The following RIPOR2 variants were observed in gnomAD, a reference collection of about 807,000 sequenced individuals.
RIPOR2 encodes the protein RHO family interacting cell polarization regulator 2, also known as rho family-interacting cell polarization regulator 2.
RIPOR2 carries 39 observed loss-of-function variants against 114.5 expected under a neutral mutation model. That is an observed-to-expected ratio of 0.34 (90% CI 0.26 to 0.44). RIPOR2 has a LOEUF of 0.44. Among genes scored for constraint, RIPOR2 ranks in the 20% least tolerant of loss-of-function variants. The pLI is 1.00. For synonymous variants in RIPOR2, 445 were observed against 484.4 expected, an observed-to-expected ratio of 0.92 and a Z score of 1.07; for missense variants, 1,007 against 1,255.1, an observed-to-expected ratio of 0.80 and a Z score of 2.99.
intron 1 of RIPOR2, among the ~76,000 whole-genome samples, chr6:24,920,901 G>C (rs1408177381): frequency 6.6e-6 from 1 of 152,102 alleles, no homozygotes; most frequent in East Asian, 1.9e-4. Context: ...CCAGTATTCA[G>C]CCAGTATCAG....
intron 1 of RIPOR2, among the ~76,000 whole-genome samples, chr6:25,024,762 C>G (rs1197898331): frequency 6.6e-6 from 1 of 152,184 alleles, no homozygotes; most frequent in Non-Finnish European, 1.5e-5. Flanking sequence ...CCTACTCTGT[C>G]CTTGGAGCTG....
intron 1 of RIPOR2, among the ~76,000 whole-genome samples, chr6:24,930,000 A>AG (rs751114884): frequency 5.9e-5 from 9 of 152,216 alleles, no homozygotes; most frequent in Non-Finnish European, 1.3e-4. Flanking sequence ...CCTTGAGCCC[A>AG]GGAAGTTGAG....
At chr6:24,923,607 G>C (rs1770656019) in intron 1 of RIPOR2, among the ~76,000 whole-genome samples, 1 of 152,098 alleles carries the variant, frequency 6.6e-6, no homozygotes, top group African/African-American at 2.4e-5. Context: ...CATTTTGGGA[G>C]GCTGAGGTGG....
At chr6:24,894,316 A>G (rs1767641268) in intron 1 of RIPOR2, among the ~76,000 whole-genome samples, 1 of 152,206 alleles carries the variant, frequency 6.6e-6, no homozygotes, top group African/African-American at 2.4e-5. Context: ...TTTTACAGGA[A>G]TAAGAAGAGG....
In RIPOR2 at chr6:24,925,576, C is replaced by G. The variant is rs189838570; in HGVS notation, c.61+10262G>C. ...AATTAGCTGGGCGTGGTGGCACATG[C>G]CTGTAATCCCAACTACTCAGGAGGC... On this transcript the variant is annotated intron_variant, in intron 1 of 21. Coordinates refer to ENST00000643898, the MANE Select transcript of RIPOR2 (RefSeq NM_001286445.3). Among the ~76,000 whole-genome samples, 232 of 152,242 alleles carry G rather than the reference C, an allele frequency of 1.5e-3. 1 individual carries two copies. The highest frequency in any genetic ancestry group is 5.2e-3 in the African/African-American group (216 of 41,540).
chr6:24,834,971 C>T (rs1056067647), intron 15 of RIPOR2, among the ~76,000 whole-genome samples: 2 of 152,156 alleles, frequency 1.3e-5, no homozygotes, highest in Non-Finnish European at 2.9e-5. Context: ...TCCACATACA[C>T]CCAAGCAAGC....
At chr6:24,874,706 A>T (rs867483178) in intron 2 of RIPOR2, among the ~76,000 whole-genome samples, 2 of 152,240 alleles carry the variant, frequency 1.3e-5, no homozygotes, top group South Asian at 2.1e-4. Flanking sequence ...AGATACATGC[A>T]CTATGCAATT....
intron 1 of RIPOR2, among the ~76,000 whole-genome samples, chr6:24,981,931 C>T (rs562781048): frequency 6.6e-6 from 1 of 152,362 alleles, no homozygotes; most frequent in Admixed American, 6.5e-5. Flanking sequence ...AGGAAGGGGG[C>T]TCACCTTGTC....
At chr6:25,006,132 C>A (rs1775554402) in intron 1 of RIPOR2, among the ~76,000 whole-genome samples, 1 of 152,170 alleles carries the variant, frequency 6.6e-6, no homozygotes. Context: ...AATCCCTCCA[C>A]TCAGAAATAA....
intron 13 of RIPOR2, among the ~76,000 whole-genome samples, chr6:24,842,625 A>G (rs1761833009): frequency 6.6e-6 from 1 of 152,212 alleles, no homozygotes; most frequent in Admixed American, 6.5e-5. Context: ...GGGAATTTCA[A>G]CATTCTCTAG....
At chr6:24,981,177 T>A (rs1014071701) in intron 1 of RIPOR2, among the ~76,000 whole-genome samples, 3 of 152,230 alleles carry the variant, frequency 2.0e-5, no homozygotes, top group Non-Finnish European at 2.9e-5. Context: ...GCTTTCTATG[T>A]CCTGTGAGCC....
intron 1 of RIPOR2, among the ~76,000 whole-genome samples, chr6:24,974,404 T>C (rs975586651): frequency 1.2e-4 from 16 of 134,114 alleles, no homozygotes; most frequent in African/African-American, 2.9e-4. Flanking sequence ...AAAAACCCAA[T>C]TGAAATTATA....
intron 19 of RIPOR2, among the ~76,000 whole-genome samples, chr6:24,823,213 G>A (rs1759855954): frequency 6.6e-6 from 1 of 152,154 alleles, no homozygotes; most frequent in Non-Finnish European, 1.5e-5. Context: ...TTGCTTTAGT[G>A]CTTTGCATCT....
chr6:24,960,674 G>A (rs1044246248), intron 1 of RIPOR2, among the ~76,000 whole-genome samples: 5 of 152,072 alleles, frequency 3.3e-5, no homozygotes, highest in African/African-American at 1.2e-4. Context: ...CTACAGGCAT[G>A]CACCTGTAGT....
intron 1 of RIPOR2, among the ~76,000 whole-genome samples, chr6:24,912,986 TA>T (rs1769787490): frequency 6.6e-6 from 1 of 152,190 alleles, no homozygotes; most frequent in African/African-American, 2.4e-5. Flanking sequence ...GATGAACAAG[TA>T]ACTTCCTGAT....
At chr6:24,872,994 T>G in intron 3 of RIPOR2, 35 bp from the exon 4 acceptor site, 2 of 1,431,534 alleles carry the variant, frequency 1.4e-6, no homozygotes, top group Non-Finnish European at 2.0e-6. Flanking sequence ...TCGTAATCTC[T>G]GCGCCTGTTA....
chr6:25,030,338 T>A (rs1776863418), intron 1 of RIPOR2, among the ~76,000 whole-genome samples: 1 of 151,736 alleles, frequency 6.6e-6, no homozygotes, highest in Non-Finnish European at 1.5e-5. Flanking sequence ...TGAGGTGGAG[T>A]GGGATTCAGA....
chr6:24,865,499 A>G, intron 6 of RIPOR2, 49 bp from the exon 7 acceptor site: 1 of 1,468,976 alleles, frequency 6.8e-7, no homozygotes, highest in Non-Finnish European at 9.3e-7. Context: ...GCTTGAAAGA[A>G]AATACATAGA....
intron 12 of RIPOR2, among the ~76,000 whole-genome samples, chr6:24,846,903 G>A (rs1359484589): frequency 6.6e-6 from 1 of 152,150 alleles, no homozygotes; most frequent in African/African-American, 2.4e-5. Context: ...TCAAATAGAA[G>A]TAGCTCTAGT....
Sources: allele counts gnomAD v4.1 joint callset (sites outside exome capture counted in the v4.1 genomes callset), GRCh38; gene constraint gnomAD v4.1.1; transcripts MANE v1.5; gene names NCBI Gene and HGNC (gene_info 2026-07-23, HGNC 2026-07-21).